The following BBS10 variants were observed in gnomAD, a reference collection of about 807,000 sequenced individuals.
BBS10 encodes the protein Bardet-Biedl syndrome 10.
Under a neutral mutation model 12.7 loss-of-function variants are expected in BBS10, and 13 were observed. The ratio of observed to expected loss-of-function variants is 1.03; its 90% confidence interval spans 0.67 to 1.63. The LOEUF is 1.63. Among genes scored for constraint, BBS10 ranks in the 40% most tolerant of loss-of-function variants. The pLI, the probability that BBS10 is intolerant of heterozygous loss-of-function variation, is 0.00. For synonymous variants in BBS10, 294 were observed against 304.8 expected, an observed-to-expected ratio of 0.96 and a Z score of 0.37; for missense variants, 858 against 858.0, an observed-to-expected ratio of 1.00 and a Z score of 0.00.
At position 76,347,104 on chromosome 12, in the gene BBS10, G is replaced by C; in HGVS notation, c.881C>G (p.Thr294Arg). 6.2e-7 allele frequency: 1 copy of C among 1,612,444 alleles called. No homozygotes were observed. The highest frequency in any genetic ancestry group is 8.5e-7 in the Non-Finnish European group (1 of 1,179,684). ...ATGTAGATGTTTCATTATTGCTTTT[G>C]TCTTTTCCATAATCCAAAATTGAGA... ...QTSQFWIMEKTKAIMKHLHSQ... is the reference protein window; with the variant it reads ...QTSQFWIMEKRKAIMKHLHSQ... Residue 294 changes from threonine (T) to arginine (R), a missense_variant, in exon 2 of 2, where the codon ACA becomes AGA. Thr to Arg is a moderately conservative substitution (Grantham distance 71). Coordinates refer to ENST00000650064, the MANE Select transcript of BBS10 (RefSeq NM_024685.4).
At position 76,346,912 on chromosome 12, in the gene BBS10, G is replaced by A. The variant is rs1951763625; in HGVS notation, c.1073C>T (p.Ser358Leu). Residue 358 changes from serine to leucine, a missense_variant, in exon 2 of 2, where the codon TCG becomes TTG. Ser to Leu is a moderately radical substitution (Grantham distance 145, BLOSUM62 -2). Coordinates refer to ENST00000650064, the MANE Select transcript of BBS10 (RefSeq NM_024685.4). ...LSPFVPPQAF[S>L]QCEIPNTALV... is the part of the protein sequence containing the mutation. ...AGCAGTGTTAGGTATTTCACACTGC[G>A]AAAAGGCCTGTGGTGGTACAAATGG... 1.9e-6 allele frequency: 3 copies of A among 1,612,408 alleles called. No individual in the cohort carries two copies. The highest frequency in any genetic ancestry group is 1.1e-5 in the South Asian group (1 of 91,074).
chr12:76,347,018 C>CATA lies in BBS10; in HGVS notation c.964_966dup (p.Tyr322dup). On this transcript the variant is annotated inframe_insertion, in exon 2 of 2. Transcript: ENST00000650064. ...ACCACTGATATGCCATTCACCCCTGCATAATAACTAACTAAATCTGGTTGT... is the reference window on the plus strand; with the variant it reads ...ACCACTGATATGCCATTCACCCCTGCATAATAATAACTAACTAAATCTGGTTGT... The CATA allele has an allele frequency of 6.2e-7, 1 of 1,612,634 alleles. No individual in the cohort carries two copies. Among genetic ancestry groups the CATA allele is most frequent in the Non-Finnish European group, 8.5e-7 (1 of 1,179,998 alleles).
At position 76,346,811 on chromosome 12, in the gene BBS10, A is replaced by G; in HGVS notation, c.1174T>C (p.Phe392Leu). 6.2e-7 allele frequency: 1 copy of G among 1,614,164 alleles called. No individual in the cohort carries two copies. Among genetic ancestry groups the G allele is most frequent in the Non-Finnish European group, 8.5e-7 (1 of 1,180,008 alleles). The change falls in exon 2 of 2, where the codon TTT (phenylalanine) becomes CTT (leucine). Residue 392 changes from phenylalanine (F) to leucine (L), a missense_variant. Coordinates refer to ENST00000650064, the MANE Select transcript of BBS10 (RefSeq NM_024685.4). ...VHLGLISTCA[F>L]IPHSIVLCGP... Reference sequence around the variant, plus strand: ...CAAAGAACTATAGAGTGTGGTATAAATGCACATGTGCTTATCAAGCCTAGA... The same window carrying G: ...CAAAGAACTATAGAGTGTGGTATAAGTGCACATGTGCTTATCAAGCCTAGA...
Position 76,347,800 on chromosome 12 carries a change from GAAAT to G in BBS10, c.198-17_198-14del, listed in dbSNP as rs776677235. ...GTCCACTATCATCCTGTACAAAAAA[GAAAT>G]AAAGCAACTCATTTTCAGAAGGCTG... On this transcript the variant is annotated splice_polypyrimidine_tract_variant and intron_variant, in intron 1 of 1. Coordinates refer to ENST00000650064, the MANE Select transcript of BBS10 (RefSeq NM_024685.4). The G allele has an allele frequency of 1.9e-4, 302 of 1,598,666 alleles. No homozygotes were observed. Among genetic ancestry groups the G allele is most frequent in the Non-Finnish European group, 2.5e-4 (296 of 1,179,498 alleles).
At position 76,345,699 on chromosome 12, in the gene BBS10, A is replaced by T; in HGVS notation, c.*114T>A. 1 of 954,132 alleles carries T rather than the reference A, an allele frequency of 1.0e-6. No individual in the cohort carries two copies. The highest frequency in any genetic ancestry group is 1.6e-6 in the Non-Finnish European group (1 of 611,430). 59.1% of individuals were successfully genotyped at this position (954,132 alleles called of 1,614,324 possible). On this transcript the variant is annotated 3_prime_UTR_variant, in exon 2 of 2. Transcript: ENST00000650064. ...TAGTGTGCTTCTTCTAAAGACTTTT[A>T]AAGTTACGCTATTTTCCTAAGTAGA... is the stretch of plus-strand genomic sequence containing the variant.
intron 1 of BBS10, 42 bp from the exon 2 acceptor site, chr12:76,347,829 G>T (rs771442921): frequency 6.3e-7 from 1 of 1,580,914 alleles, no homozygotes; most frequent in Non-Finnish European, 8.6e-7. Context: ...TCAGAAGGCT[G>T]GCTTCCCACA....
At chr12:76,348,042 A>G (rs1489288024) in intron 1 of BBS10, 120 bp downstream of exon 1, 2 of 1,196,138 alleles carry the variant, frequency 1.7e-6, no homozygotes, top group East Asian at 2.4e-5. Context: ...AATTCCGAGC[A>G]TACAGCGGTT....
rs534432274 is a variant in BBS10, at chr12:76,347,285, T to C, written c.700A>G (p.Arg234Gly). ...TGAAGCACAAGACCAGCTATGATCC[T>C]GGAATCTGAAACAGGAAGGCCAGTG... Reference protein sequence around the residue: ...GVTGLPVSDSRIIAGLVLQKD... With the variant: ...GVTGLPVSDSGIIAGLVLQKD... Residue 234 changes from arginine to glycine, a missense_variant, in exon 2 of 2, where the codon AGG (arginine) becomes GGG (glycine). By Grantham distance (125) the Arg-to-Gly change is moderately radical. Coordinates refer to ENST00000650064, the MANE Select transcript of BBS10 (RefSeq NM_024685.4). 1.7e-5 allele frequency: 27 copies of C among 1,613,836 alleles called. No individual in the cohort carries two copies. In the South Asian group the frequency reaches 2.9e-4, roughly 17 times the overall value.
Position 76,347,386 on chromosome 12 carries a change from T to A in BBS10, c.599A>T (p.Lys200Met). ...ISQLMCDYFF[K>M]CMTCKSGIGV... Reference sequence around the variant, plus strand: ...AATCCCACTTTTACAAGTCATACACTTGAAAAAGTAGTCACACATCAACTG... The same window carrying A: ...AATCCCACTTTTACAAGTCATACACATGAAAAAGTAGTCACACATCAACTG... The change falls in exon 2 of 2, where the codon AAG becomes ATG. Residue 200 changes from lysine to methionine, a missense_variant. Physicochemically the swap from Lys to Met is moderately conservative, Grantham distance 95 (BLOSUM62 -1). Coordinates refer to ENST00000650064, the MANE Select transcript of BBS10 (RefSeq NM_024685.4). 1 of 1,614,028 alleles carries A rather than the reference T, an allele frequency of 6.2e-7. No individual in the cohort carries two copies. The highest frequency in any genetic ancestry group is 8.5e-7 in the Non-Finnish European group (1 of 1,180,020).
At position 76,346,767 on chromosome 12, in the gene BBS10, G is replaced by C. The variant is rs758194221; in HGVS notation, c.1218C>G (p.Leu406=). 5 of 1,614,008 alleles carry C rather than the reference G, an allele frequency of 3.1e-6. No individual in the cohort carries two copies. The highest frequency in any genetic ancestry group is 4.2e-6 in the Non-Finnish European group (5 of 1,180,002). ...GTAAAGCATCCTCATGTTGTTCAAT[G>C]AGACCATGCACTGGTCCACAAAGAA... The part of the protein sequence containing the change: ...SIVLCGPVHG[L]IEQHEDALHG... Residue 406 remains leucine (L), a synonymous_variant, in exon 2 of 2, where the codon CTC becomes CTG. Transcript: ENST00000650064.
Position 76,345,561 on chromosome 12 carries a change from G to A in BBS10, c.*252C>T. On this transcript the variant is annotated 3_prime_UTR_variant, in exon 2 of 2. Coordinates refer to ENST00000650064, the MANE Select transcript of BBS10 (RefSeq NM_024685.4). ...TAAACACATAGGCTAACACAGAGCT[G>A]AGACACAGAGGCATAAAATAGGGAA... The A allele has an allele frequency of 2.2e-6, 1 of 456,666 alleles. No individual in the cohort carries two copies. Among genetic ancestry groups the A allele is most frequent in the Non-Finnish European group, 4.0e-6 (1 of 247,760 alleles). The allele number at this position is 456,666 out of a possible 1,614,324, so 28.3% of individuals were successfully genotyped here.
In BBS10 at chr12:76,346,524, T is replaced by C; in HGVS notation, c.1461A>G (p.Leu487=). 6.2e-7 allele frequency: 1 copy of C among 1,614,130 alleles called. No individual in the cohort carries two copies. Among genetic ancestry groups the C allele is most frequent in the South Asian group, 1.1e-5 (1 of 91,082 alleles). ...KDALEKTQTY[L]KVHSNLVIPD... ...GAATTACCAAATTAGAATGTACTTT[T>C]AAATATGTTTGAGTTTTTTCCAATG... Residue 487 remains leucine (L), a synonymous_variant, in exon 2 of 2, where the codon TTA becomes TTG. Coordinates refer to ENST00000650064, the MANE Select transcript of BBS10 (RefSeq NM_024685.4).
Position 76,345,735 on chromosome 12 carries a change from T to C in BBS10, c.*78A>G. 6.7e-6 allele frequency: 9 copies of C among 1,346,980 alleles called. No homozygotes were observed. Among genetic ancestry groups the C allele is most frequent in the South Asian group, 4.8e-5 (4 of 82,640 alleles). The allele number at this position is 1,346,980 out of a possible 1,614,324, so 83.4% of individuals were successfully genotyped here. A position where few individuals can be genotyped will look rare whatever the true frequency, so the allele number is the denominator to read the frequency against. On this transcript the variant is annotated 3_prime_UTR_variant, in exon 2 of 2. Coordinates refer to ENST00000650064, the MANE Select transcript of BBS10 (RefSeq NM_024685.4). ...ATTTTCCTAAGTAGACTGAACTGAC[T>C]TTAGAACCAGTGGTCACATGACTGC...
rs544671325 is a variant in BBS10, at chr12:76,348,398, C to T, written c.-40G>A. The T allele has an allele frequency of 7.8e-5, 120 of 1,545,760 alleles. No individual in the cohort carries two copies. In the African/African-American group the frequency reaches 1.5e-3, roughly 20 times the overall value. On this transcript the variant is annotated 5_prime_UTR_variant, in exon 1 of 2. It adds an upstream start codon to the 5' untranslated region. Transcript: ENST00000650064. The stretch of plus-strand genomic sequence containing the variant: ...CCCTTTTTGACCAGCTTGCAGAACA[C>T]CCGGGCCGACCGAAAACAGGGGTGG...
At position 76,345,166 on chromosome 12, in the gene BBS10, CAT is replaced by C. The variant is rs886049845; in HGVS notation, c.*645_*646del. 1.3e-5 allele frequency: 2 copies of C among 152,090 alleles called. No homozygotes were observed. Among genetic ancestry groups the C allele is most frequent in the African/African-American group, 4.8e-5 (2 of 41,386 alleles). 9.4% of individuals were successfully genotyped at this position (152,090 alleles called of 1,614,324 possible). A position where few individuals can be genotyped will look rare whatever the true frequency, so the allele number is the denominator to read the frequency against. ...CAATGCACAGTTATATTTCAGGTAA[CAT>C]ATATTCAAAGGTATATCAAAGGTGA... is the stretch of plus-strand genomic sequence containing the variant. On this transcript the variant is annotated 3_prime_UTR_variant, in exon 2 of 2. Coordinates refer to ENST00000650064, the MANE Select transcript of BBS10 (RefSeq NM_024685.4).
rs1203562421 is a variant in BBS10, at chr12:76,347,674, T to A, written c.311A>T (p.Glu104Val). The part of the protein sequence containing the change: ...LRGLHAITDR[E>V]KDPLMCENIQ... ...GTTTTCACACATCAAAGGATCCTTTTCTCTGTCTGTGATTGCATGAAGTCC... is the reference window on the plus strand; with the variant it reads ...GTTTTCACACATCAAAGGATCCTTTACTCTGTCTGTGATTGCATGAAGTCC... Residue 104 changes from glutamate (E) to valine (V), a missense_variant, in exon 2 of 2, where the codon GAA (glutamate) becomes GTA (valine). Coordinates refer to ENST00000650064, the MANE Select transcript of BBS10 (RefSeq NM_024685.4). 1.2e-6 allele frequency: 2 copies of A among 1,613,372 alleles called. No individual in the cohort carries two copies. Among genetic ancestry groups the A allele is most frequent in the Non-Finnish European group, 1.7e-6 (2 of 1,179,992 alleles).
chr12:76,346,948 A>G lies in BBS10; in HGVS notation c.1037T>C (p.Ile346Thr), dbSNP rs530892122. The G allele has an allele frequency of 6.2e-6, 10 of 1,611,256 alleles. No homozygotes were observed. The highest frequency in any genetic ancestry group is 5.5e-5 in the South Asian group (5 of 91,084). The change falls in exon 2 of 2, where the codon ATT becomes ACT. Residue 346 changes from isoleucine (I) to threonine (T), a missense_variant. Physicochemically the swap from Ile to Thr is moderately conservative, Grantham distance 89 (BLOSUM62 -1). Transcript: ENST00000650064. ...TGGTGGTACAAATGGAGAAAGACCAATGATCCTCCGGATAAGAGAAACTTC... is the reference window on the plus strand; with the variant it reads ...TGGTGGTACAAATGGAGAAAGACCAGTGATCCTCCGGATAAGAGAAACTTC... The part of the protein sequence containing the change: ...SEEVSLIRRI[I>T]GLSPFVPPQA...
chr12:76,348,017 C>T, intron 1 of BBS10, 145 bp downstream of exon 1: 2 of 1,033,496 alleles, frequency 1.9e-6, no homozygotes, highest in Non-Finnish European at 1.4e-6. Context: ...GGAGTGTTCC[C>T]TTGGGCAGGG....
rs1951752441 is a variant in BBS10 at position 76,345,745 on chromosome 12, G to C, written c.*68C>G. ...GTAGACTGAACTGACTTTAGAACCA[G>C]TGGTCACATGACTGCTTTACTTGGC... On this transcript the variant is annotated 3_prime_UTR_variant, in exon 2 of 2. Coordinates refer to ENST00000650064, the MANE Select transcript of BBS10 (RefSeq NM_024685.4). 8 of 1,405,248 alleles carry C rather than the reference G, an allele frequency of 5.7e-6. No individual in the cohort carries two copies. The highest frequency in any genetic ancestry group is 3.6e-5 in the Admixed American group (2 of 55,370). The allele number at this position is 1,405,248 out of a possible 1,614,324, so 87.0% of individuals were successfully genotyped here.
Sources: gnomAD v4.1 joint callset for allele counts on GRCh38, gnomAD v4.1.1 for gene constraint, MANE v1.5 for transcripts, NCBI Gene and HGNC (gene_info 2026-07-23, HGNC 2026-07-21) for gene names.